SLMAP: variants seen among roughly 807,000 people sequenced by gnomAD.
SLMAP encodes the protein sarcolemmal membrane-associated protein.
SLMAP carries 44 observed loss-of-function variants against 128.8 expected under a neutral mutation model. That is an observed-to-expected ratio of 0.34 (90% CI 0.27 to 0.44). SLMAP has a LOEUF of 0.44. Ranked by LOEUF, SLMAP falls within the 20% of genes least tolerant of loss-of-function variation. SLMAP has a pLI of 1.00. For synonymous variants in SLMAP, 327 were observed against 348.8 expected, an observed-to-expected ratio of 0.94 and a Z score of 0.70; for missense variants, 787 against 985.3, an observed-to-expected ratio of 0.80 and a Z score of 2.69.
intron 4 of SLMAP, among the ~76,000 whole-genome samples, chr3:57,843,128 G>A (rs2094021202): frequency 6.6e-6 from 1 of 151,968 alleles, no homozygotes. Flanking sequence ...AGATGCTTTT[G>A]GGTATGCCAG....
Position 57,857,761 on chromosome 3 carries a change from A to G in SLMAP, c.548A>G (p.Glu183Gly). 6.2e-7 allele frequency: 1 copy of G among 1,613,774 alleles called. No homozygotes were observed. Among genetic ancestry groups the G allele is most frequent in the Non-Finnish European group, 8.5e-7 (1 of 1,179,646 alleles). Residue 183 changes from glutamate to glycine, a missense_variant, in exon 7 of 25, where the codon GAA (glutamate) becomes GGA (glycine). By Grantham distance (98) the Glu-to-Gly change is moderately conservative. This residue lies in a region of SLMAP where 715 missense variants were observed against 843.6 expected (regional missense o/e 0.85). Transcript: ENST00000671191. ...QEALHREQMLEQKLATLQRLL... is the reference protein window; with the variant it reads ...QEALHREQMLGQKLATLQRLL... The stretch of plus-strand genomic sequence containing the variant: ...GCCTTACATCGGGAACAAATGTTGG[A>G]ACAGAAGTTAGCCACGCTTCAGCGG...
intron 3 of SLMAP, among the ~76,000 whole-genome samples, chr3:57,834,934 CAACA>C (rs1158785022): frequency 6.6e-6 from 1 of 151,686 alleles, no homozygotes; most frequent in Non-Finnish European, 1.5e-5. Context: ...CCAGCCTGGG[CAACA>C]TGGTGAAACC....
chr3:57,759,226 C>T (rs1056475799), intron 2 of SLMAP, among the ~76,000 whole-genome samples: 1 of 152,004 alleles, frequency 6.6e-6, no homozygotes, highest in East Asian at 1.9e-4. Flanking sequence ...TTCACTCGCT[C>T]CTCGCAAGCT....
At chr3:57,767,939 A>C (rs1349905233) in intron 2 of SLMAP, among the ~76,000 whole-genome samples, 5 of 152,198 alleles carry the variant, frequency 3.3e-5, no homozygotes, top group African/African-American at 1.2e-4. Flanking sequence ...GACTGAAATA[A>C]CTCAAGTTAA....
chr3:57,825,204 C>T (rs1336138821), intron 2 of SLMAP, among the ~76,000 whole-genome samples: 5 of 149,796 alleles, frequency 3.3e-5, no homozygotes, highest in South Asian at 2.1e-4. Flanking sequence ...TAGTTTACTT[C>T]GTCCTTTCCA....
chr3:57,762,070 A>T (rs2078772936), intron 2 of SLMAP, among the ~76,000 whole-genome samples: 1 of 150,814 alleles, frequency 6.6e-6, no homozygotes, highest in Admixed American at 6.6e-5. Flanking sequence ...AAAAAAAAAA[A>T]AAAAGTTGGA....
chr3:57,779,246 A>G (rs2082510550), intron 2 of SLMAP, among the ~76,000 whole-genome samples: 1 of 152,140 alleles, frequency 6.6e-6, no homozygotes, highest in Admixed American at 6.6e-5. Context: ...AGTGGCTCAC[A>G]CTTGTATTCT....
At chr3:57,784,819 T>A (rs1047633104) in intron 2 of SLMAP, among the ~76,000 whole-genome samples, 10 of 152,058 alleles carry the variant, frequency 6.6e-5, no homozygotes, top group African/African-American at 1.9e-4. Flanking sequence ...GAGGTGATTA[T>A]TAGGTCATGG....
chr3:57,888,935 C>A (rs1480230430), intron 14 of SLMAP, among the ~76,000 whole-genome samples: 1 of 150,966 alleles, frequency 6.6e-6, no homozygotes, highest in East Asian at 1.9e-4. Context: ...CTCGCTCTGT[C>A]ATACAGTGGC....
intron 2 of SLMAP, among the ~76,000 whole-genome samples, chr3:57,817,082 G>A (rs2091947879): frequency 6.6e-6 from 1 of 152,224 alleles, no homozygotes; most frequent in African/African-American, 2.4e-5. Context: ...AGGGTCAACA[G>A]TCTTTTTATA....
intron 14 of SLMAP, among the ~76,000 whole-genome samples, chr3:57,875,078 A>G (rs1302076761): frequency 6.6e-6 from 1 of 152,192 alleles, no homozygotes; most frequent in African/African-American, 2.4e-5. Flanking sequence ...AATTACACCA[A>G]ATCCCTTCAG....
chr3:57,818,113 C>T (rs1393863995), intron 2 of SLMAP, among the ~76,000 whole-genome samples: 2 of 152,056 alleles, frequency 1.3e-5, no homozygotes, highest in African/African-American at 2.4e-5. Flanking sequence ...GACCCTTTGG[C>T]GAGTTACTTA....
At chr3:57,788,870 ACAGGGAG>A (rs1216605268) in intron 2 of SLMAP, among the ~76,000 whole-genome samples, 3 of 69,142 alleles carry the variant, frequency 4.3e-5, no homozygotes, top group Non-Finnish European at 7.7e-5. Context: ...AGGGAGTGTG[ACAGGGAG>A]TGTGACAGTT....
chr3:57,778,070 C>T (rs925996014), intron 2 of SLMAP, among the ~76,000 whole-genome samples: 4 of 152,034 alleles, frequency 2.6e-5, no homozygotes, highest in African/African-American at 7.3e-5. Context: ...ATGAAGTATT[C>T]GTCTTAAATG....
chr3:57,870,861 C>T (rs567706122), intron 13 of SLMAP, among the ~76,000 whole-genome samples: 4 of 152,264 alleles, frequency 2.6e-5, no homozygotes, highest in South Asian at 2.1e-4. Context: ...TATAAATACA[C>T]GTTAAAGGAC....
intron 2 of SLMAP, chr3:57,801,496 C>T (rs2088349784): frequency 6.6e-6 from 1 of 152,300 alleles, no homozygotes; most frequent in African/African-American, 2.4e-5. Context: ...ATCTTCCTCT[C>T]TAATGCAAGC....
At chr3:57,797,739 A>G (rs1475925616) in intron 2 of SLMAP, among the ~76,000 whole-genome samples, 2 of 152,226 alleles carry the variant, frequency 1.3e-5, no homozygotes, top group Non-Finnish European at 2.9e-5. Context: ...AGTACCAGTT[A>G]TGTTATTAAA....
intron 2 of SLMAP, among the ~76,000 whole-genome samples, chr3:57,762,319 A>G (rs2078844061): frequency 6.6e-6 from 1 of 151,844 alleles, no homozygotes; most frequent in African/African-American, 2.4e-5. Context: ...CAGTGAGCTG[A>G]GATCGCGCCA....
At chr3:57,880,649 G>A (rs1223690194) in intron 14 of SLMAP, among the ~76,000 whole-genome samples, 4 of 152,162 alleles carry the variant, frequency 2.6e-5, no homozygotes, top group Admixed American at 2.6e-4. Flanking sequence ...AGGCCAAGGT[G>A]GGAGGATCGC....
Sources: allele counts gnomAD v4.1 joint callset (sites outside exome capture counted in the v4.1 genomes callset), GRCh38; gene constraint gnomAD v4.1.1; regional missense constraint gnomAD v4.1.1; transcripts MANE v1.5; gene names NCBI Gene and HGNC (gene_info 2026-07-23, HGNC 2026-07-21).